The following ZC3H11A variants were observed in gnomAD, a reference collection of about 807,000 sequenced individuals.
ZC3H11A encodes zinc finger CCCH domain-containing protein 11A.
ZC3H11A carries 22 observed loss-of-function variants against 90.8 expected under a neutral mutation model. The ratio of observed to expected loss-of-function variants is 0.24; its 90% CI spans 0.17 to 0.35. The LOEUF is 0.35. ZC3H11A is among the 10% of genes least tolerant of loss of function. The probability of loss-of-function intolerance (pLI) is 1.00; values close to 1 mark genes in which losing one functional copy is unlikely to be tolerated. For missense variants in ZC3H11A, 701 were observed against 964.9 expected (o/e 0.73, Z 3.62); for synonymous variants, 294 against 339.8 (o/e 0.87, Z 1.48).
chr1:203,798,492 G>A (rs747382390), intron 1 of ZC3H11A: 2 of 1,536,014 alleles, frequency 1.3e-6, no homozygotes, highest in East Asian at 4.9e-5. Flanking sequence ...TGCCAACAAA[G>A]ACAGTGGTGC....
chr1:203,819,422 A>G (rs531475261), intron 4 of ZC3H11A, among the ~76,000 whole-genome samples: 1 of 150,202 alleles, frequency 6.7e-6, no homozygotes, highest in East Asian at 2.0e-4. Flanking sequence ...GGGTTTTACC[A>G]CGCAGGCCAG....
At chr1:203,847,005 A>C (rs1292671369) in intron 12 of ZC3H11A, among the ~76,000 whole-genome samples, 179 bp from the exon 13 acceptor site, 1 of 129,576 alleles carries the variant, frequency 7.7e-6, no homozygotes, top group Middle Eastern at 3.5e-3. Flanking sequence ...ACTCTGTCTT[A>C]AAAAAAAAAA....
intron 1 of ZC3H11A, chr1:203,797,263 A>G: frequency 6.9e-6 from 2 of 288,122 alleles, no homozygotes; most frequent in East Asian, 7.0e-5. Context: ...TAACATGAGG[A>G]CACTGGACTA....
At chr1:203,806,148 A>C (rs745523393) in intron 2 of ZC3H11A, 1 of 504,158 alleles carries the variant, frequency 2.0e-6, no homozygotes, top group South Asian at 1.5e-5. Context: ...TCACTAGCTC[A>C]GCATCCAATC....
chr1:203,805,839 GATTTC>G (rs1438610523), intron 2 of ZC3H11A: 1 of 905,702 alleles, frequency 1.1e-6, no homozygotes, highest in African/African-American at 1.7e-5. Context: ...GTGCTTCTTG[GATTTC>G]ATTTGCATCT....
chr1:203,802,714 C>CTTTTTTTTTTTT lies in ZC3H11A; in HGVS notation c.-439_-438insTTTTTTTTTTTT, dbSNP rs150416242. On this transcript the variant is annotated 5_prime_UTR_variant, in exon 2 of 18. Transcript: ENST00000367210. ...TCTCAAGTTCATCTTTAAATGAACTCTTTTTTTTTGTTTTTTTTTTGTTTT... is the reference window on the plus strand; with the variant it reads ...TCTCAAGTTCATCTTTAAATGAACTCTTTTTTTTTTTTTTTTTTTTTGTTTTTTTTTTGTTTT... The CTTTTTTTTTTTT allele has an allele frequency of 7.6e-6, 1 of 131,636 alleles. No homozygotes were observed. Among genetic ancestry groups the CTTTTTTTTTTTT allele is most frequent in the African/African-American group, 2.7e-5 (1 of 36,462 alleles). The allele number at this position is 131,636 out of a possible 1,614,324, so 8.2% of individuals were successfully genotyped here.
In ZC3H11A at chr1:203,795,675, C is replaced by T. The variant is rs113708222; in HGVS notation, c.-1707C>T. 0.1 allele frequency: 15,848 copies of T among 152,254 alleles called. 1,102 individuals carry two copies. Among genetic ancestry groups the T allele is most frequent in the Non-Finnish European group, 0.14 (9,793 of 68,020 alleles). 9.4% of individuals were successfully genotyped at this position (152,254 alleles called of 1,614,324 possible). On this transcript the variant is annotated 5_prime_UTR_variant, in exon 1 of 18. Coordinates refer to ENST00000367210, the MANE Select transcript of ZC3H11A (RefSeq NM_001376342.1). ...CTTTGACGCTGGCAGTCTTGGTTTT[C>T]TGCTAGTGCTGCTGCTGCTGGGAGG...
Position 203,837,796 on chromosome 1 carries a change from C to T in ZC3H11A, c.875-170C>T, listed in dbSNP as rs115051178. Among the ~76,000 whole-genome samples the T allele has an allele frequency of 6.5e-3, 986 of 152,202 alleles. 9 individuals are homozygous for T. The highest frequency in any genetic ancestry group is 0.022 in the African/African-American group (927 of 41,528). On this transcript the variant is annotated intron_variant, in intron 10 of 17. Coordinates refer to ENST00000367210, the MANE Select transcript of ZC3H11A (RefSeq NM_001376342.1). ...CCTTGCCTTCCTTACCTCTTTTCTC[C>T]GACATTTTTATGTTTCTAACATTGA...
intron 12 of ZC3H11A, among the ~76,000 whole-genome samples, chr1:203,845,918 G>A (rs1243499474): frequency 1.3e-5 from 2 of 151,896 alleles, no homozygotes; most frequent in Non-Finnish European, 2.9e-5. Context: ...GAACAGCACG[G>A]AATACTCCAA....
chr1:203,847,241 A>G lies in ZC3H11A; in HGVS notation c.1100A>G (p.Glu367Gly). The G allele has an allele frequency of 6.2e-7, 1 of 1,613,912 alleles. No individual in the cohort carries two copies. Among genetic ancestry groups the G allele is most frequent in the Non-Finnish European group, 8.5e-7 (1 of 1,179,848 alleles). Residue 367 changes from glutamate to glycine, a missense_variant, in exon 13 of 18, where the codon GAA becomes GGA. By Grantham distance (98) the Glu-to-Gly change is moderately conservative (BLOSUM62 -2). Around this residue, in one of 4 missense-constraint regions of ZC3H11A, gnomAD observed 530 missense variants for 696.2 expected, o/e 0.76. Coordinates refer to ENST00000367210, the MANE Select transcript of ZC3H11A (RefSeq NM_001376342.1). Reference sequence around the variant, plus strand: ...AAGACATTAGAAGAAATTCTTCTTGAAAGAGCCAGTCAGAAACGTGGAGAA... The same window carrying G: ...AAGACATTAGAAGAAATTCTTCTTGGAAGAGCCAGTCAGAAACGTGGAGAA... ...HVKTLEEILL[E>G]RASQKRGELQ...
At position 203,852,802 on chromosome 1, in the gene ZC3H11A, A is replaced by C. The variant is rs1689568551; in HGVS notation, c.*403A>C. ...TGTACTTAATATTACCTGAGTTTGAAATGGATGAAGACAGCTGCTACCATT... is the reference window on the plus strand; with the variant it reads ...TGTACTTAATATTACCTGAGTTTGACATGGATGAAGACAGCTGCTACCATT... On this transcript the variant is annotated 3_prime_UTR_variant, in exon 18 of 18. Transcript: ENST00000367210. The C allele has an allele frequency of 1.1e-5, 2 of 189,416 alleles. No homozygotes were observed. Among genetic ancestry groups the C allele is most frequent in the Admixed American group, 1.1e-4 (2 of 18,568 alleles). 11.7% of individuals were successfully genotyped at this position (189,416 alleles called of 1,614,324 possible). A position where few individuals can be genotyped will look rare whatever the true frequency, so the allele number is the denominator to read the frequency against.
chr1:203,811,714 T>C (rs1674543483), intron 2 of ZC3H11A, among the ~76,000 whole-genome samples: 1 of 152,366 alleles, frequency 6.6e-6, no homozygotes, highest in African/African-American at 2.4e-5. Context: ...TTTGCCATGT[T>C]GGCCAGGCTG....
Position 203,818,556 on chromosome 1 carries a change from C to T in ZC3H11A, c.55-14C>T. 6.2e-7 allele frequency: 1 copy of T among 1,613,796 alleles called. No individual in the cohort carries two copies. On this transcript the variant is annotated splice_polypyrimidine_tract_variant and intron_variant, in intron 3 of 17. Coordinates refer to ENST00000367210, the MANE Select transcript of ZC3H11A (RefSeq NM_001376342.1). ...TTCAATGCTACAAATAGAGTGTTCTCTATTTGTTTACAGGGTGACAGCTGC... is the reference window on the plus strand; with the variant it reads ...TTCAATGCTACAAATAGAGTGTTCTTTATTTGTTTACAGGGTGACAGCTGC...
At chr1:203,796,233 G>T (rs887818390) in intron 1 of ZC3H11A, 19 of 392,990 alleles carry the variant, frequency 4.8e-5, no homozygotes, top group African/African-American at 3.5e-4. Context: ...GACCCTCACT[G>T]CCTAAATCAA....
chr1:203,841,156 T>TA (rs138117151), intron 12 of ZC3H11A, among the ~76,000 whole-genome samples: 18,927 of 144,134 alleles, frequency 0.13, 1,322 homozygotes, highest in Non-Finnish European at 0.15. Flanking sequence ...TTTTTTTTTT[T>TA]ATTTTTTTTT....
intron 4 of ZC3H11A, among the ~76,000 whole-genome samples, chr1:203,822,805 C>T (rs886335933): frequency 1.3e-5 from 2 of 152,126 alleles, no homozygotes; most frequent in Non-Finnish European, 2.9e-5. Flanking sequence ...TTCCTATTCT[C>T]AGTCAGACTC....
chr1:203,851,030 T>TG (rs1689125745), intron 16 of ZC3H11A, 27 bp from the exon 17 acceptor site: 1 of 1,611,552 alleles, frequency 6.2e-7, no homozygotes, highest in African/African-American at 1.3e-5. Flanking sequence ...TGACTCTCAC[T>TG]GAATTACCTG....
intron 13 of ZC3H11A, 99 bp from the exon 14 acceptor site, chr1:203,848,232 T>C: frequency 1.0e-6 from 1 of 967,176 alleles, no homozygotes; most frequent in South Asian, 1.6e-5. Flanking sequence ...TTATTTGTCC[T>C]GTCTTACTAC....
chr1:203,798,472 A>G, intron 1 of ZC3H11A: 3 of 1,536,146 alleles, frequency 2.0e-6, no homozygotes, highest in Non-Finnish European at 2.6e-6. Context: ...CATCCTATCC[A>G]TTGGGCTGTT....
Sources: gnomAD v4.1 joint callset for allele counts (sites outside exome capture counted in the v4.1 genomes callset) on GRCh38, gnomAD v4.1.1 for gene constraint, gnomAD v4.1.1 regional missense constraint, MANE v1.5 for transcripts, NCBI Gene and HGNC (gene_info 2026-07-23, HGNC 2026-07-21) for gene names.